The following CTNNA3 variants were observed in gnomAD, a reference collection of about 807,000 sequenced individuals.
CTNNA3 encodes the protein catenin alpha 3.
A neutral mutation model predicts 95.7 loss-of-function variants in CTNNA3; 76 were observed. The ratio of observed to expected loss-of-function variants is 0.79; its 90% CI spans 0.66 to 0.96. The LOEUF is 0.96. Ranked by LOEUF, CTNNA3 falls within the 40% of genes least tolerant of loss-of-function variation. The pLI is 0.00. For synonymous variants in CTNNA3, 431 were observed against 374.4 expected (o/e 1.15, Z -1.74); for missense variants, 1,191 against 1,089.8 (o/e 1.09, Z -1.31).
intron 15 of CTNNA3, among the ~76,000 whole-genome samples, chr10:65,991,502 C>A (rs1360352135): frequency 6.7e-6 from 1 of 149,922 alleles, no homozygotes; most frequent in Non-Finnish European, 1.5e-5. Flanking sequence ...TATTCCTAGG[C>A]TTTTTTTTTG....
At chr10:66,681,373 T>C (rs1258841764) in intron 9 of CTNNA3, among the ~76,000 whole-genome samples, 2 of 152,092 alleles carry the variant, frequency 1.3e-5, no homozygotes, top group African/African-American at 4.8e-5. Flanking sequence ...AGAATATACC[T>C]GGGGATCCAA....
At chr10:67,692,602 C>G (rs1198938008) in intron 1 of CTNNA3, among the ~76,000 whole-genome samples, 5 of 135,114 alleles carry the variant, frequency 3.7e-5, no homozygotes, top group African/African-American at 5.8e-5. Context: ...ACAAACACTG[C>G]GGAAGGCCGC....
intron 7 of CTNNA3, among the ~76,000 whole-genome samples, chr10:67,110,637 C>T (rs1470325558): frequency 6.6e-6 from 1 of 152,098 alleles, no homozygotes; most frequent in Non-Finnish European, 1.5e-5. Flanking sequence ...GTTTGTACCC[C>T]ACCTACTTTG....
In CTNNA3 at chr10:65,950,276, T is replaced by C. The variant is rs143043312; in HGVS notation, c.2400+16336A>G. 5.9e-4 allele frequency among the ~76,000 whole-genome samples: 90 copies of C among 152,328 alleles called. 1 individual carries two copies. Among genetic ancestry groups the C allele is most frequent in the African/African-American group, 2.1e-3 (88 of 41,586 alleles). On this transcript the variant is annotated intron_variant, in intron 17 of 17. Transcript: ENST00000433211. The stretch of plus-strand genomic sequence containing the variant: ...ATGAGTCAGACTGAAATGACTACTT[T>C]TGCAAATATCATCCATACAGTCTTG...
At chr10:66,364,398 A>G (rs1392567582) in intron 12 of CTNNA3, among the ~76,000 whole-genome samples, 1 of 152,004 alleles carries the variant, frequency 6.6e-6, no homozygotes, top group African/African-American at 2.4e-5. Flanking sequence ...AAATTATTGA[A>G]TAAAAAAATT....
At chr10:66,294,927 C>A (rs558247363) in intron 12 of CTNNA3, among the ~76,000 whole-genome samples, 1 of 148,910 alleles carries the variant, frequency 6.7e-6, no homozygotes, top group Non-Finnish European at 1.5e-5. Flanking sequence ...ATTTGGTAAA[C>A]ATTTGCATTG....
At chr10:67,633,023 G>C (rs1042755018) in intron 2 of CTNNA3, among the ~76,000 whole-genome samples, 1 of 152,168 alleles carries the variant, frequency 6.6e-6, no homozygotes, top group Admixed American at 6.5e-5. Context: ...TGGTTCAGTC[G>C]ACTCAGCCAT....
intron 11 of CTNNA3, among the ~76,000 whole-genome samples, chr10:66,488,175 T>C (rs1016577673): frequency 2.0e-5 from 3 of 152,220 alleles, no homozygotes; most frequent in Admixed American, 1.3e-4. Context: ...CACAGATCTC[T>C]GTCTTTTGAT....
At chr10:67,240,276 T>G (rs1191787288) in intron 5 of CTNNA3, among the ~76,000 whole-genome samples, 1 of 152,224 alleles carries the variant, frequency 6.6e-6, no homozygotes, top group East Asian at 1.9e-4. Flanking sequence ...GTCTCCAGTC[T>G]TCTCTCTGCC....
In CTNNA3 at chr10:67,089,217, G is replaced by C. The variant is rs182063185; in HGVS notation, c.1047+91100C>G. 1.2e-3 allele frequency among the ~76,000 whole-genome samples: 178 copies of C among 152,134 alleles called. 1 individual carries two copies. The highest frequency in any genetic ancestry group is 4.1e-3 in the African/African-American group (171 of 41,512). On this transcript the variant is annotated intron_variant, in intron 7 of 17. Coordinates refer to ENST00000433211, the MANE Select transcript of CTNNA3 (RefSeq NM_013266.4). Reference sequence around the variant, plus strand: ...CCTCAGAATAGTAACTGTTACTTTAGTTGGCAATTTAGCTCTTAAGAAAAT... The same window carrying C: ...CCTCAGAATAGTAACTGTTACTTTACTTGGCAATTTAGCTCTTAAGAAAAT...
chr10:66,687,923 G>A (rs1423386707), intron 9 of CTNNA3, among the ~76,000 whole-genome samples: 1 of 152,044 alleles, frequency 6.6e-6, no homozygotes, highest in Non-Finnish European at 1.5e-5. Flanking sequence ...GAGTTTGTAG[G>A]ATAACTTACT....
intron 5 of CTNNA3, among the ~76,000 whole-genome samples, chr10:67,237,631 G>A (rs1865550246): frequency 6.6e-6 from 1 of 152,214 alleles, no homozygotes; most frequent in East Asian, 1.9e-4. Context: ...GAACAAAAGA[G>A]CATGTGGAAA....
chr10:66,580,969 G>A (rs569506995), intron 10 of CTNNA3, among the ~76,000 whole-genome samples: 2 of 151,770 alleles, frequency 1.3e-5, no homozygotes, highest in South Asian at 4.1e-4. Flanking sequence ...CCATAGCTTA[G>A]CTCCCACTTA....
At chr10:67,744,017 G>T (rs1564844990) in intron 1 of CTNNA3, among the ~76,000 whole-genome samples, 1 of 151,258 alleles carries the variant, frequency 6.6e-6, no homozygotes, top group Non-Finnish European at 1.5e-5. Flanking sequence ...ACAAACAAAT[G>T]GAAGAACATT....
intron 9 of CTNNA3, among the ~76,000 whole-genome samples, chr10:66,714,756 T>C (rs199631810): frequency 1.3e-5 from 2 of 152,250 alleles, no homozygotes; most frequent in East Asian, 3.9e-4. Context: ...CAACAAGCCC[T>C]CCAAGTGATT....
At chr10:67,755,589 G>T (rs906118052) in intron 1 of CTNNA3, among the ~76,000 whole-genome samples, 3 of 151,908 alleles carry the variant, frequency 2.0e-5, no homozygotes, top group African/African-American at 7.3e-5. Context: ...ATCATTTGAG[G>T]TCAGGAGTTT....
At chr10:66,694,350 T>C (rs1269746207) in intron 9 of CTNNA3, among the ~76,000 whole-genome samples, 2 of 152,026 alleles carry the variant, frequency 1.3e-5, no homozygotes, top group Admixed American at 1.3e-4. Context: ...GCAAATAAAC[T>C]AGAAAATCTA....
intron 9 of CTNNA3, among the ~76,000 whole-genome samples, chr10:66,713,389 G>A (rs1202410384): frequency 6.6e-6 from 1 of 152,052 alleles, no homozygotes; most frequent in East Asian, 1.9e-4. Context: ...GTATTTAGCA[G>A]ATTGGTATTT....
At chr10:66,136,205 T>G (rs546938033) in intron 13 of CTNNA3, among the ~76,000 whole-genome samples, 2 of 152,312 alleles carry the variant, frequency 1.3e-5, no homozygotes, top group South Asian at 2.1e-4. Flanking sequence ...CCAGGCCACG[T>G]AACACAATTT....
Sources: allele counts gnomAD v4.1 joint callset (sites outside exome capture counted in the v4.1 genomes callset), GRCh38; gene constraint gnomAD v4.1.1; transcripts MANE v1.5; gene names NCBI Gene and HGNC (gene_info 2026-07-23, HGNC 2026-07-21).